DPP6: variants seen among roughly 807,000 people sequenced by gnomAD.
The protein encoded by DPP6 is dipeptidyl peptidase like 6.
A neutral mutation model predicts 122.6 loss-of-function variants in DPP6; 69 were observed. That is an observed-to-expected ratio of 0.56 (90% confidence interval 0.46 to 0.69). The LOEUF is 0.69. DPP6 is among the 30% of genes least tolerant of loss of function. The pLI is 0.00. For missense variants in DPP6, 928 were observed against 1,116.9 expected, an observed-to-expected ratio of 0.83 and a Z score of 2.41; for synonymous variants, 418 against 433.1, an observed-to-expected ratio of 0.97 and a Z score of 0.43.
chr7:154,249,607 G>T (rs1266778521), intron 1 of DPP6, among the ~76,000 whole-genome samples: 1 of 152,080 alleles, frequency 6.6e-6, no homozygotes, highest in Non-Finnish European at 1.5e-5. Flanking sequence ...TGCTTGTCTT[G>T]GCAGTGGGGA....
intron 16 of DPP6, among the ~76,000 whole-genome samples, chr7:154,843,575 G>A (rs1388956834): frequency 6.6e-6 from 1 of 152,184 alleles, no homozygotes; most frequent in African/African-American, 2.4e-5. Context: ...CTGGAGGAAG[G>A]TATCCCCATC....
chr7:154,278,762 T>G (rs968524078), intron 1 of DPP6, among the ~76,000 whole-genome samples: 2 of 152,148 alleles, frequency 1.3e-5, no homozygotes, highest in Non-Finnish European at 2.9e-5. Flanking sequence ...TCACAGTCCT[T>G]TAAGGAATGA....
chr7:154,315,066 A>G (rs965781615), intron 1 of DPP6, among the ~76,000 whole-genome samples: 2 of 152,222 alleles, frequency 1.3e-5, no homozygotes, highest in African/African-American at 4.8e-5. Flanking sequence ...TCGTTATTTA[A>G]TGAGTTGCTT....
Position 154,690,944 on chromosome 7 carries a change from G to A in DPP6, c.762+21503G>A, listed in dbSNP as rs148307578. Among the ~76,000 whole-genome samples, 784 of 152,322 alleles carry A rather than the reference G, an allele frequency of 5.1e-3. 3 individuals are homozygous for A. The highest frequency in any genetic ancestry group is 8.8e-3 in the Non-Finnish European group (599 of 68,038). Reference sequence around the variant, plus strand: ...TGGTGATGCCACTGTCTTACCTTATGAGCACTAAATGCTTAAGCAGGGCTG... The same window carrying A: ...TGGTGATGCCACTGTCTTACCTTATAAGCACTAAATGCTTAAGCAGGGCTG... On this transcript the variant is annotated intron_variant, in intron 7 of 25. Transcript: ENST00000377770.
At chr7:154,053,141 A>ATTT (rs1224768660) in intron 1 of DPP6, 78 bp downstream of exon 1, 1 of 825,990 alleles carries the variant, frequency 1.2e-6, no homozygotes, top group Non-Finnish European at 1.5e-6. Flanking sequence ...GGCAGGGGAA[A>ATTT]TTTTTTTTGG....
intron 1 of DPP6, among the ~76,000 whole-genome samples, chr7:154,370,522 T>C (rs766093548): frequency 4.9e-4 from 74 of 152,332 alleles, no homozygotes; most frequent in Non-Finnish European, 5.4e-4. Context: ...AGTTGATAAA[T>C]GATATTACAA....
chr7:153,973,725 G>A lies in DPP6; in HGVS notation c.51+85991G>A, dbSNP rs114773116. 3.3e-3 allele frequency among the ~76,000 whole-genome samples: 499 copies of A among 151,012 alleles called. 1 individual carries two copies. The highest frequency in any genetic ancestry group is 0.012 in the African/African-American group (481 of 40,828). ...CTTCTCGTATTGCTCCAGAGAGAGCGCTGTGGTCTCACAAGTCTTCTGAGG... is the reference window on the plus strand; with the variant it reads ...CTTCTCGTATTGCTCCAGAGAGAGCACTGTGGTCTCACAAGTCTTCTGAGG... On this transcript the variant is annotated intron_variant, in intron 1 of 25. Transcript: ENST00000404039.
chr7:154,113,432 TAC>T (rs1272080505), intron 1 of DPP6, among the ~76,000 whole-genome samples: 1 of 149,208 alleles, frequency 6.7e-6, no homozygotes, highest in Non-Finnish European at 1.5e-5. Context: ...CACACACACA[TAC>T]ACACAACACA....
chr7:154,061,857 G>GT (rs1801985006), intron 1 of DPP6, among the ~76,000 whole-genome samples: 1 of 130,582 alleles, frequency 7.7e-6, no homozygotes, highest in African/African-American at 3.0e-5. Context: ...CCATCGCTGG[G>GT]GGCGGAGGCA....
chr7:154,285,669 C>T (rs1317510227), intron 1 of DPP6, among the ~76,000 whole-genome samples: 2 of 152,294 alleles, frequency 1.3e-5, no homozygotes, highest in Non-Finnish European at 2.9e-5. Context: ...CACATGGCCA[C>T]CTAAGGAAAT....
chr7:153,826,991 A>G, the DPP6 span, among the ~76,000 whole-genome samples: 1 of 34,352 alleles, frequency 2.9e-5, no homozygotes, highest in Non-Finnish European at 5.6e-5. Flanking sequence ...AGAACAGTGA[A>G]AATCATTAAA....
the DPP6 span, among the ~76,000 whole-genome samples, chr7:153,813,287 T>C: frequency 1.3e-5 from 2 of 151,996 alleles, no homozygotes; most frequent in African/African-American, 4.8e-5. Context: ...TTTGGTTTTC[T>C]GTTCTTGCGA....
chr7:154,289,209 C>A (rs993632829), intron 1 of DPP6, among the ~76,000 whole-genome samples: 1 of 152,182 alleles, frequency 6.6e-6, no homozygotes, highest in Non-Finnish European at 1.5e-5. Context: ...AAATAAAAAG[C>A]AGTCATCAAC....
intron 10 of DPP6, among the ~76,000 whole-genome samples, chr7:154,773,700 T>G (rs1454654541): frequency 1.3e-5 from 2 of 152,190 alleles, no homozygotes; most frequent in African/African-American, 4.8e-5. Flanking sequence ...AAACTAAGAA[T>G]AACTCATTCT....
rs373571021 is a variant in DPP6 at position 154,041,958 on chromosome 7, C to A, written c.51+154224C>A. 7.4e-4 allele frequency among the ~76,000 whole-genome samples: 113 copies of A among 152,234 alleles called. 1 individual carries two copies. The highest frequency in any genetic ancestry group is 2.5e-3 in the African/African-American group (103 of 41,544). On this transcript the variant is annotated intron_variant, in intron 1 of 25. Transcript: ENST00000404039. ...ATTTTTAGTAGAGCCGGGGTTTCAC[C>A]ATGTTGGCCAGGATGGTCTCGATTT...
At chr7:154,868,186 G>A (rs1217100031) in intron 18 of DPP6, 93 bp downstream of exon 18, 1 of 1,482,226 alleles carries the variant, frequency 6.7e-7, no homozygotes, top group Non-Finnish European at 9.0e-7. Context: ...GCCCTGCAAG[G>A]AAGACTCCCC....
intron 19 of DPP6, among the ~76,000 whole-genome samples, chr7:154,874,340 C>G (rs924868334): frequency 2.0e-5 from 3 of 152,188 alleles, no homozygotes; most frequent in Admixed American, 2.0e-4. Flanking sequence ...GTGGTCGTGC[C>G]CGGTGGAGAC....
At chr7:154,047,169 C>G (rs535710023) in intron 1 of DPP6, among the ~76,000 whole-genome samples, 1 of 151,360 alleles carries the variant, frequency 6.6e-6, no homozygotes, top group East Asian at 1.9e-4. Context: ...AGTTCTAAGG[C>G]TGACCATACC....
At chr7:153,753,052 A>G in the DPP6 span, among the ~76,000 whole-genome samples, 6 of 152,128 alleles carry the variant, frequency 3.9e-5, no homozygotes, top group Non-Finnish European at 1.5e-5. Context: ...CTTATATTAT[A>G]ATTTGAGACC....
Sources: allele counts gnomAD v4.1 joint callset (sites outside exome capture counted in the v4.1 genomes callset), GRCh38; gene constraint gnomAD v4.1.1; transcripts MANE v1.5; gene names NCBI Gene and HGNC (gene_info 2026-07-23, HGNC 2026-07-21).